CTTN: variants seen among roughly 807,000 people sequenced by gnomAD.
CTTN encodes the protein cortactin, also known as src substrate cortactin.
Under a neutral mutation model 84.0 loss-of-function variants are expected in CTTN, and 28 were observed. The ratio of observed to expected loss-of-function variants is 0.33; its 90% CI spans 0.25 to 0.46. The LOEUF is 0.46. Ranked by LOEUF, CTTN falls within the 20% of genes least tolerant of loss-of-function variation. CTTN has a pLI of 1.00. For synonymous variants in CTTN, 301 were observed against 288.8 expected (o/e 1.04, Z -0.43); for missense variants, 641 against 723.8 (o/e 0.89, Z 1.31).
intron 5 of CTTN, among the ~76,000 whole-genome samples, chr11:70,412,602 C>T (rs1010539997): frequency 3.9e-5 from 6 of 152,188 alleles, no homozygotes; most frequent in South Asian, 2.1e-4. Flanking sequence ...CAAGCACACG[C>T]GAGAGGAGCC....
intron 5 of CTTN, among the ~76,000 whole-genome samples, chr11:70,412,195 G>A (rs2058103063): frequency 1.3e-5 from 2 of 152,184 alleles, no homozygotes; most frequent in Non-Finnish European, 2.9e-5. Context: ...GGAAGGCCGA[G>A]GCAGGATGAT....
intron 11 of CTTN, chr11:70,422,679 C>T (rs1309478224): frequency 4.2e-6 from 6 of 1,424,924 alleles, no homozygotes; most frequent in East Asian, 3.2e-5. Context: ...TGCTGCCCGC[C>T]GCCCCTCCTG....
intron 5 of CTTN, among the ~76,000 whole-genome samples, chr11:70,412,785 C>T (rs2058109268): frequency 6.6e-6 from 1 of 152,176 alleles, no homozygotes; most frequent in Non-Finnish European, 1.5e-5. Flanking sequence ...TACAATCTCC[C>T]CAGCGTGATT....
intron 17 of CTTN, 48 bp from the exon 18 acceptor site, chr11:70,434,978 C>T: frequency 6.2e-7 from 1 of 1,602,826 alleles, no homozygotes; most frequent in Non-Finnish European, 8.5e-7. Flanking sequence ...TCTGGCAGAC[C>T]AGGAAACGCT....
At chr11:70,407,670 G>A in intron 4 of CTTN, 79 bp downstream of exon 4, 1 of 1,342,572 alleles carries the variant, frequency 7.4e-7, no homozygotes, top group South Asian at 1.2e-5. Flanking sequence ...ATGGTCATCT[G>A]TGGAGGGACA....
intron 4 of CTTN, chr11:70,408,306 C>A (rs1396674212): frequency 1.3e-5 from 2 of 152,212 alleles, no homozygotes; most frequent in Admixed American, 6.5e-5. Context: ...GACCACGGTC[C>A]CTTCAGCTGA....
chr11:70,414,693 G>A (rs2058137503), intron 6 of CTTN, 41 bp downstream of exon 6: 2 of 1,472,668 alleles, frequency 1.4e-6, no homozygotes, highest in African/African-American at 1.4e-5. Flanking sequence ...GTTGGGGCAA[G>A]GGGGGCGTTC....
Position 70,435,867 on chromosome 11 carries a change from G to C in CTTN, c.*705G>C. 2 of 1,508,248 alleles carry C rather than the reference G, an allele frequency of 1.3e-6. No homozygotes were observed. The highest frequency in any genetic ancestry group is 1.2e-5 in the South Asian group (1 of 80,544). The allele number at this position is 1,508,248 out of a possible 1,614,324, so 93.4% of individuals were successfully genotyped here. On this transcript the variant is annotated 3_prime_UTR_variant, in exon 18 of 18. Coordinates refer to ENST00000301843, the MANE Select transcript of CTTN (RefSeq NM_005231.4). Reference sequence around the variant, plus strand: ...CTGGGAGCCTCTCCTGTCCCCGCCGGGCAGTGTCACTGAGTCCTTGAAATC... The same window carrying C: ...CTGGGAGCCTCTCCTGTCCCCGCCGCGCAGTGTCACTGAGTCCTTGAAATC...
chr11:70,434,433 C>A (rs1258172462), intron 17 of CTTN, among the ~76,000 whole-genome samples: 1 of 152,290 alleles, frequency 6.6e-6, no homozygotes, highest in African/African-American at 2.4e-5. Context: ...CTCTTGAGTG[C>A]TTCCCGTTTG....
At chr11:70,412,939 A>T (rs1021217517) in intron 5 of CTTN, among the ~76,000 whole-genome samples, 3 of 151,792 alleles carry the variant, frequency 2.0e-5, no homozygotes, top group African/African-American at 7.3e-5. Context: ...TCTGATGAAA[A>T]CTCATGCTGG....
chr11:70,404,150 T>C (rs1027655759), intron 1 of CTTN, among the ~76,000 whole-genome samples: 22 of 152,188 alleles, frequency 1.4e-4, no homozygotes, highest in Non-Finnish European at 2.8e-4. Flanking sequence ...CGAAGGGAAC[T>C]GGGGAGAGAG....
At chr11:70,398,881 G>T (rs2057941319) in intron 1 of CTTN, among the ~76,000 whole-genome samples, 2 of 151,826 alleles carry the variant, frequency 1.3e-5, no homozygotes, top group Non-Finnish European at 2.9e-5. Context: ...GGAGGGCTTG[G>T]GGCTGGGGTC....
rs1591430862 is a variant in CTTN, at chr11:70,405,848, C to G, written c.-1+487C>G. ...CGCCAGCCCTGCAGGGACTCCCATC[C>G]TTTCTTGCAGCCACCTTCTCAGTGG... On this transcript the variant is annotated intron_variant, in intron 2 of 17. Transcript: ENST00000301843. Among the ~76,000 whole-genome samples the G allele has an allele frequency of 2.6e-5, 4 of 152,360 alleles. No individual in the cohort carries two copies. The East Asian group carries it at 7.7e-4, about 29-fold the overall frequency.
chr11:70,427,243 A>G (rs905352070), intron 13 of CTTN, among the ~76,000 whole-genome samples: 1 of 152,100 alleles, frequency 6.6e-6, no homozygotes, highest in African/African-American at 2.4e-5. Flanking sequence ...CCAGCTACTC[A>G]GAAGACTGAG....
At chr11:70,403,305 C>CAGCCCCCCA (rs1555138752) in intron 1 of CTTN, among the ~76,000 whole-genome samples, 1 of 149,910 alleles carries the variant, frequency 6.7e-6, no homozygotes, top group Non-Finnish European at 1.5e-5. Flanking sequence ...TCTCCTGCTT[C>CAGCCCCCCA]AGCCTCCCAA....
chr11:70,426,801 C>T (rs1014927235), intron 13 of CTTN, among the ~76,000 whole-genome samples: 61 of 151,794 alleles, frequency 4.0e-4, no homozygotes, highest in African/African-American at 5.3e-4. Flanking sequence ...GGGGTTTCAC[C>T]GTGTTAGCCA....
chr11:70,421,111 C>T (rs1042974257), intron 10 of CTTN, among the ~76,000 whole-genome samples: 1 of 152,166 alleles, frequency 6.6e-6, no homozygotes, highest in African/African-American at 2.4e-5. Flanking sequence ...CAGCGCCCTC[C>T]GAATCTGCAG....
Position 70,409,818 on chromosome 11 carries a change from C to A in CTTN, c.162-13C>A. On this transcript the variant is annotated splice_polypyrimidine_tract_variant and intron_variant, in intron 4 of 17. Transcript: ENST00000301843. ...TTTATTGATCTGTTCCTATTTTCAT[C>A]TCTTCCATCAAGCATACACAAGCTG... The A allele has an allele frequency of 6.2e-7, 1 of 1,613,610 alleles. No individual in the cohort carries two copies. The highest frequency in any genetic ancestry group is 1.3e-5 in the African/African-American group (1 of 75,032).
chr11:70,402,428 A>G (rs2135546622), intron 1 of CTTN, among the ~76,000 whole-genome samples: 1 of 152,290 alleles, frequency 6.6e-6, no homozygotes, highest in East Asian at 1.9e-4. Context: ...TCAATTTCAG[A>G]ATAATTTTAT....
Sources: gnomAD v4.1 joint callset for allele counts (sites outside exome capture counted in the v4.1 genomes callset) on GRCh38, gnomAD v4.1.1 for gene constraint, MANE v1.5 for transcripts, NCBI Gene and HGNC (gene_info 2026-07-23, HGNC 2026-07-21) for gene names.